Variants in JAZF1 observed in about 807,000 individuals in gnomAD.
The protein encoded by JAZF1 is juxtaposed with another zinc finger protein 1.
In JAZF1, 8 loss-of-function variants were observed where a neutral mutation model predicts 26.4. The observed-to-expected ratio is 0.30, with a 90% CI of 0.18 to 0.55. The LOEUF (loss-of-function observed/expected upper bound fraction) is 0.55. JAZF1 is among the 20% of genes least tolerant of loss of function. The probability of loss-of-function intolerance (pLI) is 0.94; values close to 1 mark genes in which losing one functional copy is unlikely to be tolerated. For missense variants in JAZF1, 199 were observed against 322.0 expected (o/e 0.62, Z 2.92); for synonymous variants, 126 against 122.3 (o/e 1.03, Z -0.20).
chr7:27,944,933 T>C (rs1784903117), intron 2 of JAZF1, among the ~76,000 whole-genome samples: 1 of 152,162 alleles, frequency 6.6e-6, no homozygotes, highest in Admixed American at 6.5e-5. Context: ...GCCACACCCT[T>C]TCCGGAACGC....
At chr7:28,089,254 A>G (rs1427749003) in intron 1 of JAZF1, among the ~76,000 whole-genome samples, 2 of 152,216 alleles carry the variant, frequency 1.3e-5, no homozygotes, top group Non-Finnish European at 2.9e-5. Context: ...TAATACTCTT[A>G]TAAGAGGGGA....
chr7:27,882,898 C>T (rs1783796731), intron 3 of JAZF1, among the ~76,000 whole-genome samples: 2 of 152,126 alleles, frequency 1.3e-5, no homozygotes, highest in South Asian at 4.2e-4. Flanking sequence ...GTGAATTCTT[C>T]AGGTGCTAAA....
chr7:28,050,407 G>C (rs192641774), intron 1 of JAZF1, among the ~76,000 whole-genome samples: 1 of 152,204 alleles, frequency 6.6e-6, no homozygotes, highest in Non-Finnish European at 1.5e-5. Flanking sequence ...CCTGATTTTA[G>C]ACAGTGTTGA....
chr7:28,061,104 C>G (rs116894487), intron 1 of JAZF1, among the ~76,000 whole-genome samples: 1 of 152,212 alleles, frequency 6.6e-6, no homozygotes, highest in Middle Eastern at 3.2e-3. Flanking sequence ...AAAATGGGAA[C>G]AAGAATAGTA....
chr7:27,870,485 A>G (rs1225098977), intron 3 of JAZF1, among the ~76,000 whole-genome samples: 2 of 152,120 alleles, frequency 1.3e-5, no homozygotes, highest in Non-Finnish European at 2.9e-5. Flanking sequence ...TTTCTGATAG[A>G]TTTTAAAACA....
At chr7:28,162,470 G>A (rs1458754938) in intron 1 of JAZF1, among the ~76,000 whole-genome samples, 2 of 152,078 alleles carry the variant, frequency 1.3e-5, no homozygotes, top group Non-Finnish European at 2.9e-5. Context: ...TGTAAGGTTG[G>A]GCCTATTTGT....
chr7:27,888,105 G>A lies in JAZF1; in HGVS notation c.385+7115C>T, dbSNP rs77051182. ...TCTCATTCTCCAGCTACAAAAGCGG[G>A]TATTTATGTGAAAAGGGAAATGTAA... is the stretch of plus-strand genomic sequence containing the variant. On this transcript the variant is annotated intron_variant, in intron 3 of 4. Coordinates refer to ENST00000283928, the MANE Select transcript of JAZF1 (RefSeq NM_175061.4). Among the ~76,000 whole-genome samples, 421 of 152,300 alleles carry A rather than the reference G, an allele frequency of 2.8e-3. 1 individual carries two copies. Among genetic ancestry groups the A allele is most frequent in the Non-Finnish European group, 4.8e-3 (325 of 68,034 alleles).
intron 1 of JAZF1, among the ~76,000 whole-genome samples, chr7:28,102,363 T>C (rs866231969): frequency 2.6e-5 from 4 of 152,246 alleles, no homozygotes; most frequent in African/African-American, 7.2e-5. Context: ...TGCCTGGCGA[T>C]AGCGCCCAGA....
intron 1 of JAZF1, among the ~76,000 whole-genome samples, chr7:28,035,854 T>C (rs1476752030): frequency 1.3e-5 from 2 of 152,160 alleles, no homozygotes; most frequent in East Asian, 3.9e-4. Flanking sequence ...CCTGAAACCC[T>C]GAGAACAGAC....
Position 28,174,821 on chromosome 7 carries a change from G to GGTGGGT in JAZF1, c.115+5641_115+5642insACCCAC, listed in dbSNP as rs1554293530. Among the ~76,000 whole-genome samples, 143 of 107,798 alleles carry GGTGGGT rather than the reference G, an allele frequency of 1.3e-3. 15 individuals are homozygous for GGTGGGT. Among genetic ancestry groups the GGTGGGT allele is most frequent in the African/African-American group, 3.7e-3 (133 of 35,868 alleles). 70.7% of individuals were successfully genotyped at this position (107,798 alleles called of 152,430 possible). ...CCTGATCCTGCCTATGGGGTGTGTG[G>GGTGGGT]GTGTGTGTGTGTGTGTGTGTGTGTG... is the stretch of plus-strand genomic sequence containing the variant. On this transcript the variant is annotated intron_variant, in intron 1 of 4. Transcript: ENST00000283928.
At chr7:28,037,738 T>C (rs887751971) in intron 1 of JAZF1, among the ~76,000 whole-genome samples, 4 of 152,222 alleles carry the variant, frequency 2.6e-5, no homozygotes, top group African/African-American at 9.6e-5. Context: ...GATTGTTCCA[T>C]ATCCAGAGAT....
chr7:28,047,529 GT>G (rs1562569328), intron 1 of JAZF1, among the ~76,000 whole-genome samples: 1 of 151,982 alleles, frequency 6.6e-6, no homozygotes, highest in East Asian at 1.9e-4. Context: ...TCTCATAGAC[GT>G]TTTTTGTTAA....
chr7:27,836,948 C>CAT (rs1165560987), intron 4 of JAZF1, among the ~76,000 whole-genome samples: 1 of 151,970 alleles, frequency 6.6e-6, no homozygotes, highest in Non-Finnish European at 1.5e-5. Flanking sequence ...ACTATTTTTT[C>CAT]ATACACACAC....
At chr7:28,138,011 C>G (rs1782910485) in intron 1 of JAZF1, among the ~76,000 whole-genome samples, 2 of 152,188 alleles carry the variant, frequency 1.3e-5, no homozygotes, top group Admixed American at 1.3e-4. Context: ...GATTCAATTC[C>G]AGATAATCTC....
intron 1 of JAZF1, among the ~76,000 whole-genome samples, chr7:28,145,706 C>T (rs763324592): frequency 1.4e-5 from 2 of 146,316 alleles, no homozygotes; most frequent in Non-Finnish European, 3.0e-5. Flanking sequence ...AGTTGGGTAA[C>T]CACCACCACA....
intron 2 of JAZF1, among the ~76,000 whole-genome samples, chr7:27,911,352 C>A (rs1271256300): frequency 2.6e-5 from 4 of 152,124 alleles, no homozygotes; most frequent in Non-Finnish European, 5.9e-5. Context: ...TAACAGCTTG[C>A]AAGGGGTTAT....
At chr7:27,851,218 C>T (rs915408461) in intron 3 of JAZF1, among the ~76,000 whole-genome samples, 1 of 152,220 alleles carries the variant, frequency 6.6e-6, no homozygotes, top group African/African-American at 2.4e-5. Flanking sequence ...GTTGGGATTA[C>T]AGGCGTGAGC....
intron 2 of JAZF1, among the ~76,000 whole-genome samples, chr7:27,984,018 A>C (rs1045484705): frequency 3.9e-5 from 6 of 152,216 alleles, no homozygotes; most frequent in African/African-American, 1.4e-4. Flanking sequence ...AAAGACCATC[A>C]AGGCCAGGAA....
intron 1 of JAZF1, among the ~76,000 whole-genome samples, chr7:28,104,050 A>G (rs1784514791): frequency 6.6e-6 from 1 of 152,108 alleles, no homozygotes; most frequent in African/African-American, 2.4e-5. Flanking sequence ...CAGTTCCTCC[A>G]GCACACCGGG....
Sources: gnomAD v4.1 joint callset for allele counts (sites outside exome capture counted in the v4.1 genomes callset) on GRCh38, gnomAD v4.1.1 for gene constraint, MANE v1.5 for transcripts, NCBI Gene and HGNC (gene_info 2026-07-23, HGNC 2026-07-21) for gene names.